Variants in DYNC1I1 observed in about 807,000 individuals in gnomAD.
The protein encoded by DYNC1I1 is dynein cytoplasmic 1 intermediate chain 1, also known as cytoplasmic dynein 1 intermediate chain 1.
Under a neutral mutation model 86.6 loss-of-function variants are expected in DYNC1I1, and 43 were observed. The ratio of observed to expected loss-of-function variants is 0.50; its 90% CI spans 0.39 to 0.64. The LOEUF is 0.64. Ranked by LOEUF, DYNC1I1 falls within the 30% of genes least tolerant of loss-of-function variation. The pLI, the probability that DYNC1I1 is intolerant of heterozygous loss-of-function variation, is 0.00. For missense variants in DYNC1I1, 604 were observed against 788.8 expected (o/e 0.77, Z 2.81); for synonymous variants, 262 against 283.7 (o/e 0.92, Z 0.77).
intron 6 of DYNC1I1, among the ~76,000 whole-genome samples, chr7:95,942,444 C>G (rs1012528971): frequency 2.0e-5 from 3 of 152,150 alleles, no homozygotes; most frequent in African/African-American, 7.2e-5. Flanking sequence ...ACCAGAGGTA[C>G]AAGGAGGAAC....
chr7:95,795,380 G>A (rs565002510), intron 1 of DYNC1I1, among the ~76,000 whole-genome samples: 2 of 151,874 alleles, frequency 1.3e-5, no homozygotes, highest in Non-Finnish European at 2.9e-5. Flanking sequence ...GCTGGTACTG[G>A]ATTATATAAT....
At chr7:95,942,166 G>A (rs1388929121) in intron 6 of DYNC1I1, among the ~76,000 whole-genome samples, 2 of 151,928 alleles carry the variant, frequency 1.3e-5, no homozygotes, top group African/African-American at 2.4e-5. Flanking sequence ...TCAAATACAC[G>A]CAATAAAAAA....
intron 5 of DYNC1I1, among the ~76,000 whole-genome samples, chr7:95,831,118 A>G (rs1788882320): frequency 6.6e-6 from 1 of 152,188 alleles, no homozygotes; most frequent in Admixed American, 6.6e-5. Flanking sequence ...TGTTCTGGAT[A>G]AAATGCTTTA....
At chr7:95,818,406 A>G (rs1488269591) in intron 4 of DYNC1I1, 4 of 532,900 alleles carry the variant, frequency 7.5e-6, no homozygotes, top group South Asian at 6.1e-5. Context: ...GGATCAAGCT[A>G]TTCTCCCACT....
At chr7:95,807,082 T>C (rs1030900127) in intron 2 of DYNC1I1, among the ~76,000 whole-genome samples, 2 of 152,120 alleles carry the variant, frequency 1.3e-5, no homozygotes, top group African/African-American at 4.8e-5. Context: ...AAAAGACAGC[T>C]GTCATTCTGC....
chr7:95,970,159 G>T (rs1030085291), intron 6 of DYNC1I1, among the ~76,000 whole-genome samples: 19 of 152,218 alleles, frequency 1.2e-4, no homozygotes, highest in African/African-American at 4.1e-4. Flanking sequence ...TTATGTGCGA[G>T]AGCCCTCACT....
At chr7:95,781,694 T>A (rs1428869792) in intron 1 of DYNC1I1, among the ~76,000 whole-genome samples, 1 of 152,214 alleles carries the variant, frequency 6.6e-6, no homozygotes, top group Non-Finnish European at 1.5e-5. Context: ...ATGGAAAAAG[T>A]GTTTTCTAAA....
At chr7:95,902,904 C>A (rs553980762) in intron 6 of DYNC1I1, among the ~76,000 whole-genome samples, 2 of 152,162 alleles carry the variant, frequency 1.3e-5, no homozygotes, top group African/African-American at 2.4e-5. Context: ...AAACTTTACC[C>A]CCATCTTATT....
At chr7:96,049,522 G>T (rs1374238238) in intron 14 of DYNC1I1, among the ~76,000 whole-genome samples, 1 of 151,922 alleles carries the variant, frequency 6.6e-6, no homozygotes, top group African/African-American at 2.4e-5. Flanking sequence ...AACTTATTGG[G>T]TAACTTGGAG....
At chr7:95,908,987 T>C (rs992415862) in intron 6 of DYNC1I1, among the ~76,000 whole-genome samples, 1 of 151,352 alleles carries the variant, frequency 6.6e-6, no homozygotes, top group Non-Finnish European at 1.5e-5. Context: ...ATTAGAGAGT[T>C]GGGCACAGCT....
At chr7:95,876,353 T>G (rs1790309006) in intron 6 of DYNC1I1, among the ~76,000 whole-genome samples, 1 of 152,152 alleles carries the variant, frequency 6.6e-6, no homozygotes, top group Non-Finnish European at 1.5e-5. Flanking sequence ...ACAGAAGGAG[T>G]GATCTTGGTA....
Position 95,839,500 on chromosome 7 carries a change from ATATC to A in DYNC1I1, c.374+11386_374+11389del, listed in dbSNP as rs141541397. Among the ~76,000 whole-genome samples, 1,436 of 152,264 alleles carry A rather than the reference ATATC, an allele frequency of 9.4e-3. 15 individuals are homozygous for A. The highest frequency in any genetic ancestry group is 0.032 in the African/African-American group (1,343 of 41,556). The stretch of plus-strand genomic sequence containing the variant: ...TTATGTGCAATTGGTGTTGCAGTTC[ATATC>A]TGTTTAGAATGTGTGTCCATTTACA... On this transcript the variant is annotated intron_variant, in intron 5 of 16. Coordinates refer to ENST00000447467, the MANE Select transcript of DYNC1I1 (RefSeq NM_001135556.2).
At chr7:95,943,723 A>G (rs1263018247) in intron 6 of DYNC1I1, among the ~76,000 whole-genome samples, 1 of 151,300 alleles carries the variant, frequency 6.6e-6, no homozygotes, top group African/African-American at 2.4e-5. Context: ...AACGCCGCAT[A>G]TCTACAACTA....
rs1223809523 is a variant in DYNC1I1 at position 96,022,710 on chromosome 7, T to A, written c.970-5465T>A. Among the ~76,000 whole-genome samples, 6 of 151,716 alleles carry A rather than the reference T, an allele frequency of 4.0e-5. No individual in the cohort carries two copies. In the East Asian group the frequency reaches 1.2e-3, roughly 30 times the overall value. On this transcript the variant is annotated intron_variant, in intron 10 of 16. Transcript: ENST00000447467. ...AGACCCCATCTCTACAAAAAAATTT[T>A]AAAAATTACCTCGGTGTGGTTGCAT...
At chr7:96,064,049 C>T (rs1040424678) in intron 14 of DYNC1I1, among the ~76,000 whole-genome samples, 2 of 152,264 alleles carry the variant, frequency 1.3e-5, no homozygotes. Flanking sequence ...GACCGTTGAT[C>T]ACCATCTTCA....
At chr7:95,904,212 A>C (rs1217696385) in intron 6 of DYNC1I1, among the ~76,000 whole-genome samples, 1 of 152,088 alleles carries the variant, frequency 6.6e-6, no homozygotes, top group African/African-American at 2.4e-5. Flanking sequence ...ACATGACATT[A>C]CTTCCAGAGT....
chr7:96,028,896 GACA>G (rs1382454294), intron 11 of DYNC1I1, among the ~76,000 whole-genome samples: 2 of 152,160 alleles, frequency 1.3e-5, no homozygotes, highest in Non-Finnish European at 2.9e-5. Context: ...GTGTTCATAA[GACA>G]ACTACTCTGT....
In DYNC1I1 at chr7:95,951,656, G is replaced by A. The variant is rs561305162; in HGVS notation, c.491-25856G>A. 4.6e-5 allele frequency among the ~76,000 whole-genome samples: 7 copies of A among 152,278 alleles called. No homozygotes were observed. In the South Asian group the frequency reaches 1.4e-3, roughly 32 times the overall value. ...TGCTTTTCAAATGCCTCTAGTTCATGAAATGGGAAAGAAACATTTTCCATG... is the reference window on the plus strand; with the variant it reads ...TGCTTTTCAAATGCCTCTAGTTCATAAAATGGGAAAGAAACATTTTCCATG... On this transcript the variant is annotated intron_variant, in intron 6 of 16. Transcript: ENST00000447467.
intron 10 of DYNC1I1, among the ~76,000 whole-genome samples, chr7:96,019,990 T>C (rs1794501822): frequency 6.6e-6 from 1 of 150,750 alleles, no homozygotes; most frequent in Admixed American, 6.6e-5. Context: ...GCAAAGAAAA[T>C]GCCTGTTCCA....
Sources: gnomAD v4.1 joint callset for allele counts (sites outside exome capture counted in the v4.1 genomes callset) on GRCh38, gnomAD v4.1.1 for gene constraint, MANE v1.5 for transcripts, NCBI Gene and HGNC (gene_info 2026-07-23, HGNC 2026-07-21) for gene names.